SORBS2: variants seen among roughly 807,000 people sequenced by gnomAD.
SORBS2 encodes the protein sorbin and SH3 domain containing 2, also known as sorbin and SH3 domain-containing protein 2.
Under a neutral mutation model 97.7 loss-of-function variants are expected in SORBS2, and 46 were observed. The ratio of observed to expected loss-of-function variants is 0.47; its 90% CI spans 0.37 to 0.60. The LOEUF (loss-of-function observed/expected upper bound fraction) is 0.60. Ranked by LOEUF, SORBS2 falls within the 20% of genes least tolerant of loss-of-function variation. The pLI is 0.00. For missense variants in SORBS2, 1,316 were observed against 1,282.3 expected, an observed-to-expected ratio of 1.03 and a Z score of -0.40; for synonymous variants, 476 against 473.4, an observed-to-expected ratio of 1.01 and a Z score of -0.07.
At chr4:185,634,710 G>A (rs1307502235) in intron 4 of SORBS2, among the ~76,000 whole-genome samples, 1 of 151,954 alleles carries the variant, frequency 6.6e-6, no homozygotes, top group Non-Finnish European at 1.5e-5. Context: ...ATTATTATAG[G>A]CTCTTAAGTA....
chr4:185,814,767 C>T (rs1054684995), intron 1 of SORBS2, among the ~76,000 whole-genome samples: 2 of 152,204 alleles, frequency 1.3e-5, no homozygotes, highest in Non-Finnish European at 2.9e-5. Context: ...CCCCGTGGCA[C>T]GTCTCCCGGC....
chr4:185,855,310 G>T (rs1566355), intron 1 of SORBS2, among the ~76,000 whole-genome samples: 13 of 152,132 alleles, frequency 8.5e-5, no homozygotes, highest in Admixed American at 4.6e-4. Context: ...GGTGTGAGAC[G>T]TAGATAAAGC....
chr4:185,660,094 T>C (rs2153472999), upstream of SORBS2, among the ~76,000 whole-genome samples: 1 of 152,318 alleles, frequency 6.6e-6, no homozygotes, highest in Non-Finnish European at 1.5e-5. Flanking sequence ...CAGCTGGAAT[T>C]TGTTCAGTGT....
At chr4:185,733,339 T>G (rs887632621) in intron 2 of SORBS2, among the ~76,000 whole-genome samples, 2 of 152,212 alleles carry the variant, frequency 1.3e-5, no homozygotes, top group African/African-American at 4.8e-5. Flanking sequence ...CAGATAACCC[T>G]TGAGTGTGAT....
intron 2 of SORBS2, among the ~76,000 whole-genome samples, chr4:185,739,626 G>A (rs984183089): frequency 6.6e-6 from 1 of 152,094 alleles, no homozygotes; most frequent in South Asian, 2.1e-4. Context: ...CTTTAGAAAT[G>A]GTTCCCTCTA....
At chr4:185,775,239 G>C (rs907320943) in exon 2 of SORBS2, 4 of 152,582 alleles carry the variant, frequency 2.6e-5, no homozygotes, top group African/African-American at 9.7e-5. Context: ...ACAGGCAGCT[G>C]AGTTCAACAG....
intron 1 of SORBS2, among the ~76,000 whole-genome samples, chr4:185,833,684 G>A (rs1282351422): frequency 1.3e-5 from 2 of 152,026 alleles, no homozygotes; most frequent in African/African-American, 4.8e-5. Context: ...AATTCATAGG[G>A]TTTTATAAGG....
intron 1 of SORBS2, among the ~76,000 whole-genome samples, chr4:185,891,117 CTGCTTATTCTTTG>C (rs2099242303): frequency 6.6e-6 from 1 of 151,906 alleles, no homozygotes; most frequent in Admixed American, 6.6e-5. Context: ...TTTTTTAATT[CTGCTTATTCTTTG>C]TTTTTTAATT....
In SORBS2 at chr4:185,902,699, A is replaced by G. The variant is rs566738119; in HGVS notation, c.-338+53497T>C. ...ATGGTGTTTTTACTTAAAAAAAAAAAAAAAAGAAAAAGAAAGGAGCAACAT... is the reference window on the plus strand; with the variant it reads ...ATGGTGTTTTTACTTAAAAAAAAAAGAAAAAGAAAAAGAAAGGAGCAACAT... On this transcript the variant is annotated intron_variant, in intron 1 of 20. Coordinates refer to the SORBS2 transcript ENST00000284776. Among the ~76,000 whole-genome samples, 102 of 151,974 alleles carry G rather than the reference A, an allele frequency of 6.7e-4. 1 individual carries two copies. Among genetic ancestry groups the G allele is most frequent in the African/African-American group, 2.4e-3 (98 of 41,486 alleles).
At chr4:185,924,741 A>ATT (rs1478413962) in intron 1 of SORBS2, among the ~76,000 whole-genome samples, 1 of 152,340 alleles carries the variant, frequency 6.6e-6, no homozygotes, top group East Asian at 1.9e-4. Flanking sequence ...CAGACTCCTC[A>ATT]TATAAGCAGC....
chr4:185,720,990 C>T (rs1171224373), intron 2 of SORBS2, among the ~76,000 whole-genome samples: 2 of 152,018 alleles, frequency 1.3e-5, no homozygotes, highest in Admixed American at 6.6e-5. Context: ...TCCTCATCCA[C>T]CTGCCTCATG....
intron 1 of SORBS2, among the ~76,000 whole-genome samples, chr4:185,937,642 C>CA (rs1471699041): frequency 6.6e-6 from 1 of 152,084 alleles, no homozygotes; most frequent in African/African-American, 2.4e-5. Flanking sequence ...AGTCCTCCTA[C>CA]AGGCTCCTGA....
chr4:185,649,715 G>T (rs961743028), intron 2 of SORBS2, 59 bp from the exon 12 acceptor site: 40 of 1,133,630 alleles, frequency 3.5e-5, no homozygotes, highest in Middle Eastern at 2.1e-4. Context: ...TCTTAAAAAT[G>T]AATTAAATTA....
chr4:185,882,579 G>T (rs565052327), intron 1 of SORBS2, among the ~76,000 whole-genome samples: 1 of 152,084 alleles, frequency 6.6e-6, no homozygotes, highest in Admixed American at 6.5e-5. Context: ...TGTAAATATC[G>T]GCAAGTTGAT....
exon 2 of SORBS2, chr4:185,652,677 T>G: frequency 6.2e-6 from 10 of 1,613,984 alleles, no homozygotes; most frequent in Non-Finnish European, 8.5e-6. Flanking sequence ...TTGTGCACCA[T>G]GTGAATTTGC....
intron 1 of SORBS2, among the ~76,000 whole-genome samples, chr4:185,890,527 G>C (rs982022952): frequency 6.6e-6 from 1 of 152,150 alleles, no homozygotes; most frequent in Non-Finnish European, 1.5e-5. Flanking sequence ...GAGCCCACAA[G>C]AGAATCTTTA....
chr4:185,829,171 A>G (rs1411362849), intron 1 of SORBS2, among the ~76,000 whole-genome samples: 2 of 152,208 alleles, frequency 1.3e-5, no homozygotes, highest in Non-Finnish European at 2.9e-5. Flanking sequence ...GTAAAACAGG[A>G]TGGGGCAATC....
In SORBS2 at chr4:185,639,051, G is replaced by A; in HGVS notation, c.396+7617C>T. The A allele has an allele frequency of 6.6e-7, 1 of 1,506,728 alleles. No homozygotes were observed. Among genetic ancestry groups the A allele is most frequent in the Non-Finnish European group, 8.9e-7 (1 of 1,129,460 alleles). 93.3% of individuals were successfully genotyped at this position (1,506,728 alleles called of 1,614,324 possible). On this transcript the variant is annotated intron_variant, in intron 4 of 14. Transcript: ENST00000418609. Reference sequence around the variant, plus strand: ...GGAGAGGGGGCTGCAAGAAAGAGGGGTGCAGAAACTGGTTCATTAGATGGA... The same window carrying A: ...GGAGAGGGGGCTGCAAGAAAGAGGGATGCAGAAACTGGTTCATTAGATGGA...
intron 1 of SORBS2, among the ~76,000 whole-genome samples, chr4:185,928,661 T>A (rs576094900): frequency 6.6e-6 from 1 of 152,246 alleles, no homozygotes; most frequent in African/African-American, 2.4e-5. Flanking sequence ...TTCTCCTGCC[T>A]CATCCTCCCG....
Sources: allele counts gnomAD v4.1 joint callset (sites outside exome capture counted in the v4.1 genomes callset), GRCh38; gene constraint gnomAD v4.1.1; transcripts MANE v1.5; gene names NCBI Gene and HGNC (gene_info 2026-07-23, HGNC 2026-07-21).